Variants in PIK3C2G observed in about 807,000 individuals in gnomAD.
PIK3C2G encodes the protein phosphatidylinositol 3-kinase C2 domain-containing subunit gamma.
In PIK3C2G, 168 loss-of-function variants were observed where a neutral mutation model predicts 181.1. That is an observed-to-expected ratio of 0.93 (90% CI 0.82 to 1.05). The LOEUF is 1.05. Ranked by LOEUF, PIK3C2G falls within the 50% of genes least tolerant of loss-of-function variation. The pLI is 0.00. For missense variants in PIK3C2G, 1,869 were observed against 1,732.8 expected, an observed-to-expected ratio of 1.08 and a Z score of -1.40; for synonymous variants, 573 against 592.2, an observed-to-expected ratio of 0.97 and a Z score of 0.47.
chr12:18,319,843 A>T (rs899579906), intron 6 of PIK3C2G, among the ~76,000 whole-genome samples: 2 of 152,128 alleles, frequency 1.3e-5, no homozygotes, highest in Non-Finnish European at 1.5e-5. Flanking sequence ...TCTTGTCACC[A>T]TCACACTTTT....
At chr12:18,408,611 G>A (rs1235640102) in intron 16 of PIK3C2G, among the ~76,000 whole-genome samples, 13 of 152,112 alleles carry the variant, frequency 8.5e-5, no homozygotes, top group Non-Finnish European at 1.6e-4. Context: ...ACTATTATCA[G>A]AGTGAAAAAG....
chr12:18,517,339 C>T (rs552832639), intron 24 of PIK3C2G, among the ~76,000 whole-genome samples: 13 of 152,082 alleles, frequency 8.5e-5, no homozygotes, highest in African/African-American at 2.4e-4. Context: ...GAAATTAATA[C>T]GATATTGATT....
intron 18 of PIK3C2G, among the ~76,000 whole-genome samples, chr12:18,439,579 C>T (rs1219422484): frequency 1.3e-5 from 2 of 148,710 alleles, no homozygotes; most frequent in Non-Finnish European, 3.0e-5. Flanking sequence ...TTCTGAGCCA[C>T]TCATGTATGT....
At chr12:18,300,566 T>G (rs1197673410) in intron 5 of PIK3C2G, among the ~76,000 whole-genome samples, 1 of 152,078 alleles carries the variant, frequency 6.6e-6, no homozygotes, top group Non-Finnish European at 1.5e-5. Context: ...TAAAATCCAT[T>G]CAACCAATCT....
At chr12:18,503,007 T>C (rs1231354196) in intron 22 of PIK3C2G, among the ~76,000 whole-genome samples, 1 of 152,196 alleles carries the variant, frequency 6.6e-6, no homozygotes, top group Non-Finnish European at 1.5e-5. Context: ...GGGGTCTCTG[T>C]TCATCATCAA....
At chr12:18,514,885 A>G (rs956046406) in intron 24 of PIK3C2G, among the ~76,000 whole-genome samples, 1 of 151,970 alleles carries the variant, frequency 6.6e-6, no homozygotes, top group African/African-American at 2.4e-5. Flanking sequence ...TGGGTTTGTC[A>G]TATATTGACT....
Position 18,421,049 on chromosome 12 carries a change from G to C in PIK3C2G, c.2409+15G>C. 7.3e-7 allele frequency: 1 copy of C among 1,377,832 alleles called. No individual in the cohort carries two copies. Among genetic ancestry groups the C allele is most frequent in the Non-Finnish European group, 1.0e-6 (1 of 967,774 alleles). The allele number at this position is 1,377,832 out of a possible 1,614,324, so 85.4% of individuals were successfully genotyped here. A position where few individuals can be genotyped will look rare whatever the true frequency, so the allele number is the denominator to read the frequency against. Reference sequence around the variant, plus strand: ...AGCTAGTTCAGGTAAGAATAGAAGAGTTGCTAAGGAAACCCAGGGTTTTAA... The same window carrying C: ...AGCTAGTTCAGGTAAGAATAGAAGACTTGCTAAGGAAACCCAGGGTTTTAA... On this transcript the variant is annotated intron_variant, in intron 17 of 32. Coordinates refer to ENST00000538779, the MANE Select transcript of PIK3C2G (RefSeq NM_001288772.2).
chr12:18,704,699 T>C, the PIK3C2G span, among the ~76,000 whole-genome samples: 2 of 152,124 alleles, frequency 1.3e-5, no homozygotes, highest in Non-Finnish European at 2.9e-5. Flanking sequence ...ACGTGATTTT[T>C]CAAAGCAAAT....
the PIK3C2G span, among the ~76,000 whole-genome samples, chr12:18,690,188 G>A: frequency 6.6e-6 from 1 of 152,032 alleles, no homozygotes; most frequent in African/African-American, 2.4e-5. Context: ...CACAAATAAG[G>A]TGGAACAAAA....
intron 18 of PIK3C2G, among the ~76,000 whole-genome samples, chr12:18,449,266 C>CT (rs1281796775): frequency 6.6e-6 from 1 of 151,886 alleles, no homozygotes; most frequent in African/African-American, 2.4e-5. Flanking sequence ...GCATATAACT[C>CT]TTTTTTATTT....
chr12:18,712,505 T>A, the PIK3C2G span, among the ~76,000 whole-genome samples: 6 of 152,138 alleles, frequency 3.9e-5, no homozygotes, highest in Non-Finnish European at 1.5e-5. Flanking sequence ...AAGAGTTGAA[T>A]ATTGGTAAAA....
intron 15 of PIK3C2G, among the ~76,000 whole-genome samples, chr12:18,391,888 T>TGA (rs142901049): frequency 1.7e-4 from 25 of 150,214 alleles, no homozygotes; most frequent in African/African-American, 4.1e-4. Flanking sequence ...TGTGTGTGTG[T>TGA]GAGAGAGAGA....
chr12:18,668,784 T>C, the PIK3C2G span, among the ~76,000 whole-genome samples: 1 of 152,178 alleles, frequency 6.6e-6, no homozygotes, highest in African/African-American at 2.4e-5. Flanking sequence ...CCTGCTGATA[T>C]TCACCTCAGG....
chr12:18,500,808 C>T (rs1248284043), intron 22 of PIK3C2G, among the ~76,000 whole-genome samples: 3 of 152,250 alleles, frequency 2.0e-5, no homozygotes, highest in African/African-American at 4.8e-5. Flanking sequence ...GCTTTGTTCT[C>T]TCGCTCTTTG....
In PIK3C2G at chr12:18,414,647, C is replaced by T. The variant is rs185061309; in HGVS notation, c.2316-6294C>T. Among the ~76,000 whole-genome samples the T allele has an allele frequency of 2.2e-4, 34 of 152,228 alleles. 1 individual carries two copies. The East Asian group carries it at 6.6e-3, about 29-fold the overall frequency. ...CACATACATATCTTCACACACGTCA[C>T]TCATCATATTCTTAAAATAAATTCC... is the stretch of plus-strand genomic sequence containing the variant. On this transcript the variant is annotated intron_variant, in intron 16 of 32. Coordinates refer to ENST00000538779, the MANE Select transcript of PIK3C2G (RefSeq NM_001288772.2).
Position 18,395,084 on chromosome 12 carries a change from C to CTTTCTTTCTTTCT in PIK3C2G, c.2126+3834_2126+3835insTCTTTCTTTCTTT, listed in dbSNP as rs1353162233. ...CCTTCTTTCCCTGCCTCTTTCATTCCTTCTTTCTTTCTTTCTTTCATTCTT... is the reference window on the plus strand; with the variant it reads ...CCTTCTTTCCCTGCCTCTTTCATTCCTTTCTTTCTTTCTTTCTTTCTTTCTTTCTTTCATTCTT... On this transcript the variant is annotated intron_variant, in intron 15 of 32. Transcript: ENST00000538779. 5.7e-3 allele frequency among the ~76,000 whole-genome samples: 800 copies of CTTTCTTTCTTTCT among 141,578 alleles called. 26 individuals carry two copies. Among genetic ancestry groups the CTTTCTTTCTTTCT allele is most frequent in the Admixed American group, 0.045 (619 of 13,842 alleles). 92.9% of individuals were successfully genotyped at this position (141,578 alleles called of 152,430 possible). A position where few individuals can be genotyped will look rare whatever the true frequency, so the allele number is the denominator to read the frequency against.
At chr12:18,315,892 C>CGT (rs59803351) in intron 6 of PIK3C2G, among the ~76,000 whole-genome samples, 19,500 of 147,390 alleles carry the variant, frequency 0.13, 1,414 homozygotes, top group Admixed American at 0.22. Context: ...CATGCATCCA[C>CGT]GTGTGTGTGT....
chr12:18,647,224 C>T (rs1950184384), intron 32 of PIK3C2G, among the ~76,000 whole-genome samples: 1 of 151,864 alleles, frequency 6.6e-6, no homozygotes, highest in Admixed American at 6.6e-5. Flanking sequence ...TTAAGTAGCA[C>T]AGGAAAATCA....
intron 7 of PIK3C2G, among the ~76,000 whole-genome samples, chr12:18,324,623 T>C (rs555325913): frequency 6.6e-6 from 1 of 152,322 alleles, no homozygotes; most frequent in Non-Finnish European, 1.5e-5. Context: ...GACAACCCCA[T>C]CTATTATAAA....
Sources: allele counts gnomAD v4.1 joint callset (sites outside exome capture counted in the v4.1 genomes callset), GRCh38; gene constraint gnomAD v4.1.1; transcripts MANE v1.5; gene names NCBI Gene and HGNC (gene_info 2026-07-23, HGNC 2026-07-21).